DMBT1: variants seen among roughly 807,000 people sequenced by gnomAD.
DMBT1 encodes scavenger receptor cysteine-rich domain-containing protein DMBT1.
In DMBT1, 198 loss-of-function variants were observed where a neutral mutation model predicts 252.9. That is an observed-to-expected ratio of 0.78 (90% CI 0.70 to 0.88). The LOEUF (loss-of-function observed/expected upper bound fraction) is 0.88. DMBT1 is among the 40% of genes least tolerant of loss of function. The pLI, the probability that DMBT1 is intolerant of heterozygous loss-of-function variation, is 0.00. For missense variants in DMBT1, 2,432 were observed against 2,404.7 expected, an observed-to-expected ratio of 1.01 and a Z score of -0.24; for synonymous variants, 990 against 942.7, an observed-to-expected ratio of 1.05 and a Z score of -0.92.
intron 41 of DMBT1, among the ~76,000 whole-genome samples, chr10:122,619,068 C>G (rs1485804142): frequency 6.6e-6 from 1 of 152,172 alleles, no homozygotes; most frequent in Non-Finnish European, 1.5e-5. Context: ...TTGGGTCAAC[C>G]TGGTCACCCT....
Position 122,630,304 on chromosome 10 carries a change from A to G in DMBT1, c.5839A>G (p.Asn1947Asp), listed in dbSNP as rs772090187. The G allele has an allele frequency of 6.2e-7, 1 of 1,613,886 alleles. No homozygotes were observed. Among genetic ancestry groups the G allele is most frequent in the Non-Finnish European group, 8.5e-7 (1 of 1,179,762 alleles). ...FSNLKLEAHH[N>D]CSFDYVEIFD... ...TCCATACAGATTGGAGGCACACCAT[A>G]ACTGCAGTTTTGATTATGTTGAAAT... Residue 1947 changes from asparagine to aspartate, a missense_variant, in exon 48 of 56, where the codon AAC becomes GAC. Physicochemically the swap from Asn to Asp is conservative, Grantham distance 23. Around this residue, in one of 3 missense-constraint regions of DMBT1, gnomAD observed 1,162 missense variants for 1,169.0 expected, o/e 0.99. Transcript: ENST00000338354.
At position 122,586,144 on chromosome 10, in the gene DMBT1, G is replaced by A; in HGVS notation, c.1544G>A (p.Trp515Ter). The change falls in exon 16 of 56, where the codon TGG becomes TAG. Residue 515 changes from tryptophan (W) to a stop codon, truncating the protein, a stop_gained. Transcript: ENST00000338354. LOFTEE classifies it high-confidence loss of function. ...GRVEVLYRGS[W>*]GTVCDDSWDT... ...GTGGAGGTCCTATACCGAGGCTCCTGGGGCACCGTGTGTGATGACAGCTGG... is the reference window on the plus strand; with the variant it reads ...GTGGAGGTCCTATACCGAGGCTCCTAGGGCACCGTGTGTGATGACAGCTGG... 1 of 1,589,192 alleles carries A rather than the reference G, an allele frequency of 6.3e-7. No individual in the cohort carries two copies. The highest frequency in any genetic ancestry group is 8.6e-7 in the Non-Finnish European group (1 of 1,166,094).
chr10:122,566,690 A>G (rs1377798306), intron 2 of DMBT1, among the ~76,000 whole-genome samples: 1 of 152,236 alleles, frequency 6.6e-6, no homozygotes, highest in Non-Finnish European at 1.5e-5. Flanking sequence ...ACCCTGCATA[A>G]AATGATTTTC....
intron 48 of DMBT1, 134 bp from the exon 49 acceptor site, chr10:122,630,827 C>A (rs2098158478): frequency 1.0e-6 from 1 of 1,001,854 alleles, no homozygotes; most frequent in African/African-American, 1.6e-5. Context: ...GTACCTCCAC[C>A]CCAGCTTTTC....
At chr10:122,593,098 G>A (rs1260158299) in intron 20 of DMBT1, among the ~76,000 whole-genome samples, 2 of 148,980 alleles carry the variant, frequency 1.3e-5, no homozygotes, top group African/African-American at 4.9e-5. Context: ...CCTGGGTTGT[G>A]TGAGGTTGGA....
chr10:122,630,534 C>T (rs772950024), intron 48 of DMBT1, 44 bp downstream of exon 48: 3 of 1,590,198 alleles, frequency 1.9e-6, no homozygotes, highest in Non-Finnish European at 2.6e-6. Flanking sequence ...GGTGGATTTA[C>T]CCAGCTGCCT....
chr10:122,634,878 T>A (rs1212040718), intron 52 of DMBT1, among the ~76,000 whole-genome samples: 1 of 152,182 alleles, frequency 6.6e-6, no homozygotes, highest in African/African-American at 2.4e-5. Context: ...TTTGCTAGTG[T>A]CCTGAACAAG....
At chr10:122,573,051 A>C (rs1192957582) in intron 5 of DMBT1, among the ~76,000 whole-genome samples, 1 of 152,122 alleles carries the variant, frequency 6.6e-6, no homozygotes, top group African/African-American at 2.4e-5. Flanking sequence ...TTTTTAATTC[A>C]CAAAGAAACC....
At chr10:122,577,901 C>G in intron 8 of DMBT1, 61 bp downstream of exon 8, 1 of 1,574,828 alleles carries the variant, frequency 6.3e-7, no homozygotes. Flanking sequence ...TACCCCTTCC[C>G]TACTCCACAG....
intron 9 of DMBT1, 72 bp downstream of exon 9, chr10:122,578,831 C>T: frequency 2.1e-6 from 3 of 1,419,766 alleles, no homozygotes; most frequent in Non-Finnish European, 2.9e-6. Flanking sequence ...TCATAGTTCA[C>T]TTATGATTGC....
At chr10:122,563,554 T>A (rs1236037652) in intron 1 of DMBT1, among the ~76,000 whole-genome samples, 10 of 149,066 alleles carry the variant, frequency 6.7e-5, no homozygotes, top group Admixed American at 1.4e-4. Context: ...GCCACTGCAC[T>A]CCAGCCTGGG....
chr10:122,632,779 G>A, intron 50 of DMBT1, 82 bp from the exon 51 acceptor site: 1 of 1,563,136 alleles, frequency 6.4e-7, no homozygotes, highest in Non-Finnish European at 8.7e-7. Context: ...GCTTGGCACA[G>A]CATCTGCACA....
In DMBT1 at chr10:122,633,294, TGAG is replaced by T. The variant is rs769499997; in HGVS notation, c.6503_6505del (p.Glu2168del). 6.2e-7 allele frequency: 1 copy of T among 1,613,964 alleles called. No homozygotes were observed. Among genetic ancestry groups the T allele is most frequent in the Non-Finnish European group, 8.5e-7 (1 of 1,179,896 alleles). On this transcript the variant is annotated inframe_deletion, in exon 52 of 56. Transcript: ENST00000338354. The stretch of plus-strand genomic sequence containing the variant: ...ACAATGCCAAGTGTGTGTGGGACAT[TGAG>T]GTGCAAAACAACTACCGTGTGACTG...
At chr10:122,572,191 G>A in intron 4 of DMBT1, 123 bp from the exon 5 acceptor site, 1 of 1,355,934 alleles carries the variant, frequency 7.4e-7, no homozygotes, top group Non-Finnish European at 1.1e-6. Flanking sequence ...TTGGCTTTTA[G>A]CAATGGAGGT....
chr10:122,571,058 G>T (rs1253298073), intron 4 of DMBT1, 121 bp downstream of exon 4: 3 of 1,231,300 alleles, frequency 2.4e-6, no homozygotes, highest in Non-Finnish European at 3.6e-6. Flanking sequence ...ATGTTCTCAG[G>T]TAGTGTGGAT....
At chr10:122,573,839 G>T (rs2097688098) in intron 6 of DMBT1, 77 bp downstream of exon 6, 2 of 1,556,190 alleles carry the variant, frequency 1.3e-6, no homozygotes, top group Non-Finnish European at 1.8e-6. Flanking sequence ...TTCAGATGAG[G>T]TGCAGAGGGC....
chr10:122,580,634 C>T (rs1414672748), intron 10 of DMBT1, among the ~76,000 whole-genome samples: 1 of 152,070 alleles, frequency 6.6e-6, no homozygotes, highest in East Asian at 1.9e-4. Context: ...AACCGGGTTA[C>T]CCTGGGCAGA....
chr10:122,578,357 C>T (rs2097731597), intron 8 of DMBT1, among the ~76,000 whole-genome samples: 1 of 152,178 alleles, frequency 6.6e-6, no homozygotes, highest in African/African-American at 2.4e-5. Flanking sequence ...ACCTGATTTC[C>T]CCCAGGGCGG....
In DMBT1 at chr10:122,590,668, C is replaced by T. The variant is rs2097842618; in HGVS notation, c.2111C>T (p.Ala704Val). Reference sequence around the variant, plus strand: ...TCTGACCTCCTCTTTCTCACAGCTGCCCAGTCCCGGTCGACGCCCAGGCCA... The same window carrying T: ...TCTGACCTCCTCTTTCTCACAGCTGTCCAGTCCCGGTCGACGCCCAGGCCA... ...HEDAGVICSA[A>V]QSRSTPRPDT... The change falls in exon 18 of 56, where the codon GCC (alanine) becomes GTC (valine). Residue 704 changes from alanine (A) to valine (V), a missense_variant. By Grantham distance (64) the Ala-to-Val change is moderately conservative (BLOSUM62 0). Coordinates refer to ENST00000338354, the MANE Select transcript of DMBT1 (RefSeq NM_001377530.1). 1 of 1,587,954 alleles carries T rather than the reference C, an allele frequency of 6.3e-7. No individual in the cohort carries two copies.
Sources: allele counts gnomAD v4.1 joint callset (sites outside exome capture counted in the v4.1 genomes callset), GRCh38; gene constraint gnomAD v4.1.1; regional missense constraint gnomAD v4.1.1; transcripts MANE v1.5; gene names NCBI Gene and HGNC (gene_info 2026-07-23, HGNC 2026-07-21).